Variants in NGEF observed in about 807,000 individuals in gnomAD.
The protein encoded by NGEF is neuronal guanine nucleotide exchange factor.
Under a neutral mutation model 80.9 loss-of-function variants are expected in NGEF, and 31 were observed. That is an observed-to-expected ratio of 0.38 (90% CI 0.29 to 0.52). The LOEUF is 0.52. Among genes scored for constraint, NGEF ranks in the 20% least tolerant of loss-of-function variants. The pLI is 0.84. For synonymous variants in NGEF, 371 were observed against 370.2 expected (o/e 1.00, Z -0.03); for missense variants, 709 against 926.2 (o/e 0.77, Z 3.04).
chr2:232,929,285 C>T (rs943402578), intron 3 of NGEF, among the ~76,000 whole-genome samples: 3 of 152,170 alleles, frequency 2.0e-5, no homozygotes, highest in Admixed American at 6.5e-5. Flanking sequence ...TGCAGTTACT[C>T]GTTAATTGTT....
At chr2:232,894,634 G>A in intron 6 of NGEF, 122 bp downstream of exon 6, 1 of 1,004,790 alleles carries the variant, frequency 1.0e-6, no homozygotes, top group Non-Finnish European at 1.4e-6. Context: ...TTTTATTATG[G>A]AACATTCCAA....
At chr2:233,002,641 A>G (rs1695004493) in intron 1 of NGEF, among the ~76,000 whole-genome samples, 1 of 152,206 alleles carries the variant, frequency 6.6e-6, no homozygotes, top group Non-Finnish European at 1.5e-5. Flanking sequence ...ACTGCACTCC[A>G]GCTTGGGCAA....
At chr2:232,946,229 G>C (rs1693555276) in intron 3 of NGEF, among the ~76,000 whole-genome samples, 1 of 151,968 alleles carries the variant, frequency 6.6e-6, no homozygotes, top group East Asian at 1.9e-4. Context: ...TGGGAGCTAA[G>C]CTATGAGGAT....
In NGEF at chr2:232,879,367, C is replaced by A; in HGVS notation, c.*122G>T. ...TGCGTGGGCAGGGATGAGGGCCGGG[C>A]ACCCCAAGCCAGATCCTGCCACCTG... On this transcript the variant is annotated 3_prime_UTR_variant, in exon 15 of 15. Coordinates refer to ENST00000264051, the MANE Select transcript of NGEF (RefSeq NM_019850.3). The A allele has an allele frequency of 3.0e-6, 3 of 985,116 alleles. No homozygotes were observed. In the Admixed American group the frequency reaches 6.9e-5, roughly 23 times the overall value. The allele number at this position is 985,116 out of a possible 1,614,324, so 61.0% of individuals were successfully genotyped here. A position where few individuals can be genotyped will look rare whatever the true frequency, so the allele number is the denominator to read the frequency against.
At chr2:232,961,497 A>G (rs561518962) in intron 3 of NGEF, among the ~76,000 whole-genome samples, 4 of 151,812 alleles carry the variant, frequency 2.6e-5, no homozygotes, top group African/African-American at 9.7e-5. Context: ...TTTATTTTTT[A>G]TTTTTTATTT....
At chr2:232,971,848 C>G (rs1694192105) in intron 2 of NGEF, among the ~76,000 whole-genome samples, 1 of 152,132 alleles carries the variant, frequency 6.6e-6, no homozygotes, top group Non-Finnish European at 1.5e-5. Context: ...GGCCCTCTTG[C>G]CCTCCCCAGC....
At chr2:232,902,521 G>A (rs956664110) in intron 5 of NGEF, among the ~76,000 whole-genome samples, 1 of 152,114 alleles carries the variant, frequency 6.6e-6, no homozygotes, top group Non-Finnish European at 1.5e-5. Flanking sequence ...GGCGCTGGGG[G>A]CCCAAACCCA....
intron 3 of NGEF, among the ~76,000 whole-genome samples, chr2:232,967,240 G>C (rs1694080601): frequency 1.3e-5 from 2 of 152,150 alleles, no homozygotes; most frequent in Non-Finnish European, 2.9e-5. Context: ...CTTCTACCAG[G>C]ATCGGAAGCT....
chr2:232,905,897 G>T (rs1279507817), intron 5 of NGEF: 3 of 176,294 alleles, frequency 1.7e-5, no homozygotes, highest in African/African-American at 7.9e-5. Flanking sequence ...GGGAGGTGGG[G>T]GGGTCAGCCC....
chr2:233,012,673 C>T (rs770320482), intron 1 of NGEF: 22 of 359,690 alleles, frequency 6.1e-5, no homozygotes, highest in Non-Finnish European at 1.1e-4. Context: ...GAAGGTGCCC[C>T]GGCTTGCTTT....
chr2:232,896,827 AG>A (rs1692101079), intron 5 of NGEF, among the ~76,000 whole-genome samples: 1 of 24,354 alleles, frequency 4.1e-5, no homozygotes, highest in Non-Finnish European at 7.6e-5. Flanking sequence ...GGTAAGGGTG[AG>A]GGTAGGGTTG....
chr2:232,879,142 G>T lies in NGEF; in HGVS notation c.*347C>A. ...TGCCTGCCTCCCACAGGGACACTCT[G>T]GGTTGGGAGCCTCTTCCAGTCCCTG... On this transcript the variant is annotated 3_prime_UTR_variant, in exon 15 of 15. Transcript: ENST00000264051. The T allele has an allele frequency of 4.7e-6, 1 of 212,906 alleles. No individual in the cohort carries two copies. Among genetic ancestry groups the T allele is most frequent in the Non-Finnish European group, 9.4e-6 (1 of 106,646 alleles). 13.2% of individuals were successfully genotyped at this position (212,906 alleles called of 1,614,324 possible). A position where few individuals can be genotyped will look rare whatever the true frequency, so the allele number is the denominator to read the frequency against.
At chr2:233,004,120 T>C (rs1198355406) in intron 1 of NGEF, among the ~76,000 whole-genome samples, 1 of 151,730 alleles carries the variant, frequency 6.6e-6, no homozygotes, top group Non-Finnish European at 1.5e-5. Flanking sequence ...CTTCTCTAGT[T>C]CCCCCAGCCT....
chr2:232,921,804 TG>T (rs959011676), intron 4 of NGEF, among the ~76,000 whole-genome samples: 8 of 152,118 alleles, frequency 5.3e-5, no homozygotes, highest in African/African-American at 1.9e-4. Context: ...AAGCATAGAC[TG>T]GGAGAAACGG....
intron 3 of NGEF, among the ~76,000 whole-genome samples, chr2:232,935,453 A>C (rs1341528002): frequency 6.6e-6 from 1 of 152,224 alleles, no homozygotes; most frequent in Non-Finnish European, 1.5e-5. Context: ...CCCTGTCTCT[A>C]CTAAAAATAC....
intron 5 of NGEF, among the ~76,000 whole-genome samples, chr2:232,903,566 T>C (rs115437609): frequency 0.011 from 1,733 of 152,260 alleles, 36 homozygotes; most frequent in African/African-American, 0.039. Context: ...GTCAGGTGCA[T>C]ACATTTTTTA....
intron 4 of NGEF, among the ~76,000 whole-genome samples, chr2:232,920,926 C>G (rs1354722301): frequency 6.6e-6 from 1 of 152,214 alleles, no homozygotes; most frequent in Non-Finnish European, 1.5e-5. Flanking sequence ...ATGGGAATGT[C>G]CCAACTGTGT....
At chr2:232,907,188 G>GAAAAAAAAAAAAAAAAAAGAAGAA (rs10654316) in intron 5 of NGEF, among the ~76,000 whole-genome samples, 1 of 113,160 alleles carries the variant, frequency 8.8e-6, no homozygotes, top group Non-Finnish European at 1.7e-5. Context: ...AGAAAAAAAA[G>GAAAAAAAAAAAAAAAAAAGAAGAA]AAAAAAAAAA....
At chr2:232,979,381 C>T (rs1694361673) in intron 1 of NGEF, among the ~76,000 whole-genome samples, 1 of 89,356 alleles carries the variant, frequency 1.1e-5, no homozygotes, top group African/African-American at 5.4e-5. Flanking sequence ...CACACACACA[C>T]ACACACACAC....
Sources: gnomAD v4.1 joint callset for allele counts (sites outside exome capture counted in the v4.1 genomes callset) on GRCh38, gnomAD v4.1.1 for gene constraint, MANE v1.5 for transcripts, NCBI Gene and HGNC (gene_info 2026-07-23, HGNC 2026-07-21) for gene names.